The following VAT1L variants were observed in gnomAD, a reference collection of about 807,000 sequenced individuals.
The protein encoded by VAT1L is vesicle amine transport 1 like, also known as putative NADPH-dependent quinone oxidoreductase VAT1L.
A neutral mutation model predicts 44.1 loss-of-function variants in VAT1L; 34 were observed. The ratio of observed to expected loss-of-function variants is 0.77; its 90% CI spans 0.59 to 1.03. VAT1L has a LOEUF of 1.03. Among genes scored for constraint, VAT1L ranks in the 50% least tolerant of loss-of-function variants. VAT1L has a pLI of 0.00. For synonymous variants in VAT1L, 253 were observed against 202.2 expected (o/e 1.25, Z -2.13); for missense variants, 615 against 538.8 (o/e 1.14, Z -1.40).
In VAT1L at chr16:77,876,440, C is replaced by T. The variant is rs746719665; in HGVS notation, c.793C>T (p.Leu265Phe). ...GGACAACACTGGAAAAGGTCTCAGT[C>T]TTCTCAAACCCCTGGGAACCTACAT... ...CGDNTGKGLS[L>F]LKPLGTYILY... Residue 265 changes from leucine to phenylalanine, a missense_variant, in exon 5 of 9, where the codon CTT becomes TTT. Physicochemically the swap from Leu to Phe is conservative, Grantham distance 22 (BLOSUM62 0). Transcript: ENST00000302536. The T allele has an allele frequency of 6.2e-7, 1 of 1,614,066 alleles. No homozygotes were observed. The highest frequency in any genetic ancestry group is 8.5e-7 in the Non-Finnish European group (1 of 1,180,032).
intron 1 of VAT1L, among the ~76,000 whole-genome samples, chr16:77,789,785 C>T (rs909779194): frequency 6.6e-6 from 1 of 151,536 alleles, no homozygotes; most frequent in Non-Finnish European, 1.5e-5. Flanking sequence ...CCCATTCCCC[C>T]TGGGGGAACT....
chr16:77,966,210 T>A (rs1222488680), intron 7 of VAT1L, among the ~76,000 whole-genome samples: 2 of 152,204 alleles, frequency 1.3e-5, no homozygotes. Flanking sequence ...CGCTTTATAT[T>A]TATTTTAGAT....
At chr16:77,853,749 A>G (rs1206799352) in intron 3 of VAT1L, among the ~76,000 whole-genome samples, 5 of 152,090 alleles carry the variant, frequency 3.3e-5, no homozygotes, top group African/African-American at 9.7e-5. Context: ...GGCACCACAC[A>G]CTGAGAAGCA....
chr16:77,950,591 A>C (rs1457937704), intron 7 of VAT1L, among the ~76,000 whole-genome samples: 1 of 152,224 alleles, frequency 6.6e-6, no homozygotes, highest in Non-Finnish European at 1.5e-5. Context: ...TTGTATGTTC[A>C]GCGTGATCTT....
At chr16:77,937,119 G>T (rs1227800098) in intron 7 of VAT1L, among the ~76,000 whole-genome samples, 1 of 152,138 alleles carries the variant, frequency 6.6e-6, no homozygotes. Flanking sequence ...TTAGCCTCAT[G>T]ATCTGCCCAC....
At chr16:77,936,761 G>T (rs767493289) in intron 7 of VAT1L, among the ~76,000 whole-genome samples, 1 of 152,284 alleles carries the variant, frequency 6.6e-6, no homozygotes, top group South Asian at 2.1e-4. Context: ...AAGGATTAAA[G>T]AAAGAGGAGA....
chr16:77,943,697 C>A (rs573066688), intron 7 of VAT1L, among the ~76,000 whole-genome samples: 1 of 152,108 alleles, frequency 6.6e-6, no homozygotes, highest in African/African-American at 2.4e-5. Context: ...TCACTGCGCC[C>A]GACCCACCCT....
intron 6 of VAT1L, chr16:77,882,182 A>G (rs1470221551): frequency 1.3e-5 from 2 of 152,346 alleles, no homozygotes; most frequent in Non-Finnish European, 2.9e-5. Flanking sequence ...GAAAAGTCCT[A>G]GAAAAAAAAT....
intron 7 of VAT1L, among the ~76,000 whole-genome samples, chr16:77,905,526 A>T (rs917069688): frequency 2.6e-5 from 4 of 151,974 alleles, no homozygotes; most frequent in Admixed American, 6.6e-5. Flanking sequence ...TTTTTATGTG[A>T]TTGTTTTCCT....
chr16:77,963,766 G>A (rs1375403357), intron 7 of VAT1L, among the ~76,000 whole-genome samples: 2 of 152,048 alleles, frequency 1.3e-5, no homozygotes, highest in Non-Finnish European at 2.9e-5. Flanking sequence ...AAAGGCATAT[G>A]CATTTGGTAA....
chr16:77,824,862 CTTT>C (rs756573336), intron 2 of VAT1L, among the ~76,000 whole-genome samples: 9 of 75,438 alleles, frequency 1.2e-4, no homozygotes, highest in Admixed American at 5.8e-4. Context: ...CCCAATAATG[CTTT>C]TTTTTTTTTT....
intron 7 of VAT1L, among the ~76,000 whole-genome samples, chr16:77,916,444 T>C (rs1285451543): frequency 6.6e-6 from 1 of 152,154 alleles, no homozygotes; most frequent in Non-Finnish European, 1.5e-5. Context: ...ATATTACTAC[T>C]CTCTCTCCAC....
intron 4 of VAT1L, among the ~76,000 whole-genome samples, chr16:77,873,275 A>G (rs1225523351): frequency 1.3e-5 from 2 of 152,222 alleles, no homozygotes; most frequent in Middle Eastern, 3.2e-3. Flanking sequence ...AGATTGCTGC[A>G]TCTGTAAGCC....
At chr16:77,938,297 T>C (rs2017828723) in intron 7 of VAT1L, among the ~76,000 whole-genome samples, 2 of 152,232 alleles carry the variant, frequency 1.3e-5, no homozygotes, top group African/African-American at 4.8e-5. Context: ...GAATTCCAAC[T>C]ATTTAGCTGT....
intron 4 of VAT1L, among the ~76,000 whole-genome samples, chr16:77,875,543 T>G (rs1039942994): frequency 3.3e-5 from 5 of 152,160 alleles, no homozygotes; most frequent in African/African-American, 1.2e-4. Context: ...TACAGCCCCC[T>G]CCTGTATATG....
intron 3 of VAT1L, among the ~76,000 whole-genome samples, chr16:77,846,973 T>G (rs943990441): frequency 1.3e-5 from 2 of 152,188 alleles, no homozygotes; most frequent in African/African-American, 4.8e-5. Flanking sequence ...TAGTTGACAT[T>G]TTTATAGTTT....
At chr16:77,931,765 T>C (rs754436698) in intron 7 of VAT1L, among the ~76,000 whole-genome samples, 20 of 152,294 alleles carry the variant, frequency 1.3e-4, no homozygotes, top group Admixed American at 3.3e-4. Context: ...GAAAAATATA[T>C]ATTGATCTTA....
intron 7 of VAT1L, among the ~76,000 whole-genome samples, chr16:77,908,338 TG>T (rs1384016361): frequency 1.3e-5 from 2 of 151,510 alleles, no homozygotes; most frequent in Non-Finnish European, 2.9e-5. Context: ...GGTGAGTGCC[TG>T]TAATCCCTGC....
intron 7 of VAT1L, among the ~76,000 whole-genome samples, chr16:77,949,089 T>C (rs905988448): frequency 1.3e-5 from 2 of 152,056 alleles, no homozygotes; most frequent in African/African-American, 4.8e-5. Context: ...TGGGGGCAGA[T>C]TGGAGCACGA....
Sources: allele counts gnomAD v4.1 joint callset (sites outside exome capture counted in the v4.1 genomes callset), GRCh38; gene constraint gnomAD v4.1.1; transcripts MANE v1.5; gene names NCBI Gene and HGNC (gene_info 2026-07-23, HGNC 2026-07-21).